PCDHA12: variants seen among roughly 807,000 people sequenced by gnomAD.
PCDHA12 encodes protocadherin alpha 12.
Under a neutral mutation model 60.0 loss-of-function variants are expected in PCDHA12, and 44 were observed. The ratio of observed to expected loss-of-function variants is 0.73; its 90% CI spans 0.58 to 0.94. The LOEUF (loss-of-function observed/expected upper bound fraction) is 0.94. Ranked by LOEUF, PCDHA12 falls within the 40% of genes least tolerant of loss-of-function variation. The pLI, the probability that PCDHA12 is intolerant of heterozygous loss-of-function variation, is 0.00. For missense variants in PCDHA12, 1,276 were observed against 1,239.7 expected (o/e 1.03, Z -0.44); for synonymous variants, 569 against 553.0 (o/e 1.03, Z -0.40).
At chr5:140,904,018 A>G (rs2070774543) in intron 1 of PCDHA12, among the ~76,000 whole-genome samples, 1 of 152,198 alleles carries the variant, frequency 6.6e-6, no homozygotes. Context: ...TTAAAAAATA[A>G]TGGTATAATT....
chr5:140,984,516 TCA>T (rs1422083367), intron 3 of PCDHA12, among the ~76,000 whole-genome samples: 2 of 152,130 alleles, frequency 1.3e-5, no homozygotes, highest in Non-Finnish European at 2.9e-5. Context: ...GATGCATGAG[TCA>T]CAGTCTTCAT....
intron 1 of PCDHA12, among the ~76,000 whole-genome samples, chr5:140,908,888 C>T (rs2074210125): frequency 1.3e-5 from 2 of 152,122 alleles, no homozygotes; most frequent in African/African-American, 4.8e-5. Flanking sequence ...CCAATAGTCC[C>T]AAATAAGCCT....
At chr5:140,986,951 T>C (rs1421822972) in intron 3 of PCDHA12, among the ~76,000 whole-genome samples, 1 of 152,128 alleles carries the variant, frequency 6.6e-6, no homozygotes, top group Non-Finnish European at 1.5e-5. Context: ...TGGTCGCTCA[T>C]GCCTGTAATT....
At chr5:140,969,982 G>A (rs1327490843) in intron 1 of PCDHA12, among the ~76,000 whole-genome samples, 1 of 152,184 alleles carries the variant, frequency 6.6e-6, no homozygotes, top group Non-Finnish European at 1.5e-5. Context: ...CAACTCTTCT[G>A]TAGAGGGCTG....
rs199928168 is a variant in PCDHA12, at chr5:141,009,915, C to T, written c.2804C>T (p.Thr935Met). The part of the protein sequence containing the change: ...TQEKKEKGNS[T>M]TDNSDQ The stretch of plus-strand genomic sequence containing the variant: ...GAGAAAAAAGAGAAAGGGAACAGCA[C>T]GACTGACAACAGTGACCAGTGAGGT... The change falls in exon 4 of 4, where the codon ACG becomes ATG. Residue 935 changes from threonine to methionine, a missense_variant. Physicochemically the swap from Thr to Met is moderately conservative, Grantham distance 81. Coordinates refer to ENST00000398631, the MANE Select transcript of PCDHA12 (RefSeq NM_018903.4). The T allele has an allele frequency of 9.0e-4, 1,448 of 1,611,544 alleles. 2 individuals carry two copies. Among genetic ancestry groups the T allele is most frequent in the Admixed American group, 3.7e-3 (222 of 59,324 alleles).
chr5:140,945,597 A>G (rs374286655), intron 1 of PCDHA12, among the ~76,000 whole-genome samples: 11 of 152,170 alleles, frequency 7.2e-5, no homozygotes, highest in Non-Finnish European at 1.2e-4. Context: ...CTTCAAAGCT[A>G]TAATAATCAA....
chr5:140,886,603 G>A lies in PCDHA12; in HGVS notation c.2367+8764G>A, dbSNP rs781862855. Among the ~76,000 whole-genome samples, 8 of 152,090 alleles carry A rather than the reference G, an allele frequency of 5.3e-5. No individual in the cohort carries two copies. The East Asian group carries it at 1.2e-3, about 22-fold the overall frequency. ...AGCACTTTGGGAGGCCAAGGTGGGCGGATCAGGAGATCAGGAGTCCGAGAC... is the reference window on the plus strand; with the variant it reads ...AGCACTTTGGGAGGCCAAGGTGGGCAGATCAGGAGATCAGGAGTCCGAGAC... On this transcript the variant is annotated intron_variant, in intron 1 of 3. Coordinates refer to ENST00000398631, the MANE Select transcript of PCDHA12 (RefSeq NM_018903.4).
In PCDHA12 at chr5:140,877,112, G is replaced by A; in HGVS notation, c.1640G>A (p.Ser547Asn). 6.2e-7 allele frequency: 1 copy of A among 1,613,670 alleles called. No homozygotes were observed. The highest frequency in any genetic ancestry group is 8.5e-7 in the Non-Finnish European group (1 of 1,179,856). Reference sequence around the variant, plus strand: ...GACGCCGGCGTGCCGCCTCTGGGCAGCAACGTGACGCTGCAGGTGTTCGTG... The same window carrying A: ...GACGCCGGCGTGCCGCCTCTGGGCAACAACGTGACGCTGCAGGTGTTCGTG... Reference protein sequence around the residue: ...ARDAGVPPLGSNVTLQVFVLD... With the variant: ...ARDAGVPPLGNNVTLQVFVLD... The change falls in exon 1 of 4, where the codon AGC (serine) becomes AAC (asparagine). Residue 547 changes from serine to asparagine, a missense_variant. Physicochemically the swap from Ser to Asn is conservative, Grantham distance 46. Coordinates refer to ENST00000398631, the MANE Select transcript of PCDHA12 (RefSeq NM_018903.4).
At chr5:140,942,838 A>G (rs2093377015) in intron 1 of PCDHA12, among the ~76,000 whole-genome samples, 1 of 152,198 alleles carries the variant, frequency 6.6e-6, no homozygotes, top group Non-Finnish European at 1.5e-5. Context: ...GTCAATAAAA[A>G]TTCCAGTAAG....
At chr5:140,933,133 G>T (rs782720038) in intron 1 of PCDHA12, among the ~76,000 whole-genome samples, 1 of 151,914 alleles carries the variant, frequency 6.6e-6, no homozygotes, top group Non-Finnish European at 1.5e-5. Context: ...AATAATAAAG[G>T]TAGATAGCCA....
chr5:140,924,830 G>T (rs1240824600), intron 1 of PCDHA12, among the ~76,000 whole-genome samples: 3 of 151,612 alleles, frequency 2.0e-5, no homozygotes, highest in Non-Finnish European at 4.4e-5. Flanking sequence ...GGGAGGGGGA[G>T]GTTGCAGGGA....
intron 1 of PCDHA12, chr5:140,884,062 C>T (rs1328958684): frequency 8.7e-6 from 14 of 1,613,496 alleles, no homozygotes; most frequent in Non-Finnish European, 1.2e-5. Context: ...GCGCGGTGGA[C>T]GCCGATTCGG....
rs1181136155 is a variant in PCDHA12, at chr5:140,966,778, G to C, written c.2368-12171G>C. Reference sequence around the variant, plus strand: ...CGCGGCCAGTGGCTATGGAGCAGGCGGGCACCAGACCTGCGGCGACAGAGC... The same window carrying C: ...CGCGGCCAGTGGCTATGGAGCAGGCCGGCACCAGACCTGCGGCGACAGAGC... On this transcript the variant is annotated intron_variant, in intron 1 of 3. Transcript: ENST00000398631. The C allele has an allele frequency of 4.0e-6, 6 of 1,512,380 alleles. No homozygotes were observed. The African/African-American group carries it at 8.3e-5, about 21-fold the overall frequency. The allele number at this position is 1,512,380 out of a possible 1,614,324, so 93.7% of individuals were successfully genotyped here. A position where few individuals can be genotyped will look rare whatever the true frequency, so the allele number is the denominator to read the frequency against.
chr5:140,924,902 A>AAAAAT (rs1554202311), intron 1 of PCDHA12, among the ~76,000 whole-genome samples: 1 of 39,026 alleles, frequency 2.6e-5, no homozygotes, highest in Non-Finnish European at 6.3e-5. Context: ...CTCAAAAAAA[A>AAAAAT]AAATAAAATA....
At chr5:140,990,318 A>C (rs2097387548) in intron 3 of PCDHA12, among the ~76,000 whole-genome samples, 1 of 152,054 alleles carries the variant, frequency 6.6e-6, no homozygotes, top group Admixed American at 6.5e-5. Context: ...AACCAACCAA[A>C]CAAACTTTAA....
At chr5:140,998,049 ACAT>A (rs782468760) in intron 3 of PCDHA12, among the ~76,000 whole-genome samples, 4 of 152,194 alleles carry the variant, frequency 2.6e-5, no homozygotes, top group Admixed American at 6.5e-5. Flanking sequence ...TAACTCAGTG[ACAT>A]CATCATCAAC....
intron 2 of PCDHA12, among the ~76,000 whole-genome samples, chr5:140,981,165 T>C (rs1411910974): frequency 6.6e-6 from 1 of 152,250 alleles, no homozygotes; most frequent in Non-Finnish European, 1.5e-5. Flanking sequence ...ATATGTTGCC[T>C]TCCCTCTAAT....
intron 3 of PCDHA12, among the ~76,000 whole-genome samples, chr5:140,997,851 C>T (rs1400770612): frequency 6.6e-6 from 1 of 152,122 alleles, no homozygotes. Flanking sequence ...CATTCTTATA[C>T]ATATTTCTTA....
intron 1 of PCDHA12, chr5:140,883,326 C>T (rs374138267): frequency 3.1e-6 from 5 of 1,614,044 alleles, no homozygotes; most frequent in Admixed American, 1.7e-5. Flanking sequence ...GTTACCATCA[C>T]TTCTTTGTCA....
Sources: gnomAD v4.1 joint callset for allele counts (sites outside exome capture counted in the v4.1 genomes callset) on GRCh38, gnomAD v4.1.1 for gene constraint, MANE v1.5 for transcripts, NCBI Gene and HGNC (gene_info 2026-07-23, HGNC 2026-07-21) for gene names.